Variants in HUNK observed in about 807,000 individuals in gnomAD.
HUNK encodes hormonally up-regulated neu tumor-associated kinase.
HUNK carries 21 observed loss-of-function variants against 61.0 expected under a neutral mutation model. That is an observed-to-expected ratio of 0.34 (90% CI 0.24 to 0.50). The LOEUF is 0.50. Ranked by LOEUF, HUNK falls within the 20% of genes least tolerant of loss-of-function variation. HUNK has a pLI of 0.98. For missense variants in HUNK, 772 were observed against 945.7 expected, an observed-to-expected ratio of 0.82 and a Z score of 2.41; for synonymous variants, 371 against 386.1, an observed-to-expected ratio of 0.96 and a Z score of 0.46.
intron 1 of HUNK, among the ~76,000 whole-genome samples, chr21:31,909,166 T>C (rs2052528841): frequency 6.6e-6 from 1 of 152,224 alleles, no homozygotes; most frequent in Non-Finnish European, 1.5e-5. Context: ...ATATTTTAAC[T>C]AAGTAGCAGC....
At chr21:31,936,448 G>C (rs2052733949) in intron 2 of HUNK, among the ~76,000 whole-genome samples, 1 of 152,216 alleles carries the variant, frequency 6.6e-6, no homozygotes, top group Non-Finnish European at 1.5e-5. Flanking sequence ...CTTTTGGACA[G>C]AGACAGAAGT....
chr21:31,955,021 A>G (rs1353561596), intron 4 of HUNK, among the ~76,000 whole-genome samples: 3 of 152,054 alleles, frequency 2.0e-5, no homozygotes, highest in African/African-American at 7.2e-5. Context: ...TCCTGAGCTC[A>G]AGAGAGCCAC....
In HUNK at chr21:31,873,637, G is replaced by T. The variant is rs1417678173; in HGVS notation, c.-38G>T. The T allele has an allele frequency of 2.1e-6, 2 of 974,632 alleles. No homozygotes were observed. Among genetic ancestry groups the T allele is most frequent in the South Asian group, 4.7e-5 (1 of 21,426 alleles). 60.4% of individuals were successfully genotyped at this position (974,632 alleles called of 1,614,324 possible). A position where few individuals can be genotyped will look rare whatever the true frequency, so the allele number is the denominator to read the frequency against. On this transcript the variant is annotated 5_prime_UTR_variant, in exon 1 of 11. Coordinates refer to ENST00000270112, the MANE Select transcript of HUNK (RefSeq NM_014586.2). This position sits in a 1 kb window ranked among gnomAD's most constrained non-coding sequence, Gnocchi z 6.1. ...CTGGGGAGGAGGAGCTGCGAGCGCG[G>T]GAGACGAGCAGGAGCCGCGCGGGCC...
chr21:31,874,588 T>G (rs1009257301), intron 1 of HUNK, among the ~76,000 whole-genome samples: 1 of 48,884 alleles, frequency 2.0e-5, no homozygotes. Context: ...CTCCCACCCC[T>G]GCCCCCTCAT....
At chr21:31,963,357 C>A (rs1041251579) in intron 5 of HUNK, among the ~76,000 whole-genome samples, 1 of 152,134 alleles carries the variant, frequency 6.6e-6, no homozygotes. Context: ...ACGCACCCCC[C>A]CTACAAAAAG....
intron 2 of HUNK, among the ~76,000 whole-genome samples, chr21:31,926,962 C>T (rs1007878629): frequency 2.6e-5 from 4 of 151,656 alleles, no homozygotes; most frequent in Non-Finnish European, 5.9e-5. Flanking sequence ...TTCTTTCTTT[C>T]TTTCCTTTTT....
chr21:31,996,089 A>C, intron 10 of HUNK, 141 bp downstream of exon 10: 1 of 627,302 alleles, frequency 1.6e-6, no homozygotes, highest in Non-Finnish European at 2.7e-6. Context: ...AATGGACCTG[A>C]GGTTGCCTGA....
chr21:31,875,064 A>T (rs1414487327), intron 1 of HUNK, among the ~76,000 whole-genome samples: 1 of 152,158 alleles, frequency 6.6e-6, no homozygotes, highest in African/African-American at 2.4e-5. Flanking sequence ...GAGGGGGACC[A>T]GCTCCTTTGT....
intron 3 of HUNK, among the ~76,000 whole-genome samples, chr21:31,944,811 C>A (rs2123830380): frequency 6.6e-6 from 1 of 152,286 alleles, no homozygotes; most frequent in South Asian, 2.1e-4. Context: ...GTTTTCTGAG[C>A]TCTGCTTAGA....
At chr21:31,968,715 AGTGTGTGTGTGTGTGTGTGTGT>A (rs746064468) in intron 6 of HUNK, among the ~76,000 whole-genome samples, 2 of 88,260 alleles carry the variant, frequency 2.3e-5, no homozygotes, top group East Asian at 3.1e-4. Context: ...CTGTGGCCCG[AGTGTGTGTGTGTGTGTGTGTGT>A]GTGTGTGTGT....
intron 3 of HUNK, among the ~76,000 whole-genome samples, chr21:31,941,420 T>C (rs536386767): frequency 1.3e-5 from 2 of 151,932 alleles, no homozygotes; most frequent in Admixed American, 6.6e-5. Context: ...GATTCTCCTG[T>C]CTCAGCCTCC....
intron 1 of HUNK, among the ~76,000 whole-genome samples, chr21:31,921,835 T>C (rs1346082173): frequency 1.3e-5 from 2 of 152,182 alleles, no homozygotes; most frequent in Non-Finnish European, 2.9e-5. Context: ...TTTTTTAAGG[T>C]TTTCTTCAGC....
intron 1 of HUNK, among the ~76,000 whole-genome samples, chr21:31,916,947 G>T (rs1333419085): frequency 6.6e-6 from 1 of 151,926 alleles, no homozygotes; most frequent in African/African-American, 2.4e-5. Context: ...AAGTGCTGGG[G>T]TGACAGGTGT....
chr21:31,879,235 C>T (rs1046983770), intron 1 of HUNK, among the ~76,000 whole-genome samples: 4 of 152,142 alleles, frequency 2.6e-5, no homozygotes, highest in Non-Finnish European at 2.9e-5. Context: ...TAGGGGTAAT[C>T]GCTCTGAGGA....
intron 2 of HUNK, among the ~76,000 whole-genome samples, chr21:31,929,273 CTT>C (rs1370960479): frequency 6.7e-6 from 1 of 149,638 alleles, no homozygotes; most frequent in South Asian, 2.1e-4. Context: ...ACAAAGGAAA[CTT>C]AGCATGTATA....
intron 7 of HUNK, among the ~76,000 whole-genome samples, chr21:31,979,998 C>G (rs2053084080): frequency 6.6e-6 from 1 of 152,154 alleles, no homozygotes; most frequent in African/African-American, 2.4e-5. Context: ...AAATCATTGT[C>G]CAGACCAATG....
Position 32,003,725 on chromosome 21 carries a change from G to A in HUNK, c.*4541G>A, listed in dbSNP as rs1288682473. The A allele has an allele frequency of 6.6e-6, 1 of 152,152 alleles. No homozygotes were observed. The highest frequency in any genetic ancestry group is 1.5e-5 in the Non-Finnish European group (1 of 68,028). 9.4% of individuals were successfully genotyped at this position (152,152 alleles called of 1,614,324 possible). On this transcript the variant is annotated 3_prime_UTR_variant, in exon 11 of 11. Coordinates refer to ENST00000270112, the MANE Select transcript of HUNK (RefSeq NM_014586.2). Reference sequence around the variant, plus strand: ...GCAAAGACAAATAGGATATATATTTGTACTTCTTCTCTGTGGACATGTTTT... The same window carrying A: ...GCAAAGACAAATAGGATATATATTTATACTTCTTCTCTGTGGACATGTTTT...
intron 1 of HUNK, among the ~76,000 whole-genome samples, chr21:31,895,106 A>G (rs747249174): frequency 2.7e-4 from 41 of 152,212 alleles, no homozygotes; most frequent in Admixed American, 5.9e-4. Flanking sequence ...TAAGAGAAAG[A>G]GAAGCAAGGT....
intron 4 of HUNK, 62 bp downstream of exon 4, chr21:31,946,233 T>C: frequency 2.0e-6 from 3 of 1,532,480 alleles, no homozygotes; most frequent in Non-Finnish European, 1.8e-6. Flanking sequence ...GCCTTCCTTA[T>C]GAAATCATGC....
Sources: gnomAD v4.1 joint callset for allele counts (sites outside exome capture counted in the v4.1 genomes callset) on GRCh38, gnomAD v4.1.1 for gene constraint, Gnocchi (gnomAD v3.1) non-coding constraint, MANE v1.5 for transcripts, NCBI Gene and HGNC (gene_info 2026-07-23, HGNC 2026-07-21) for gene names.